Variants in DGKE observed in about 807,000 individuals in gnomAD.
DGKE encodes DAG kinase epsilon.
DGKE carries 53 observed loss-of-function variants against 70.0 expected under a neutral mutation model. That is an observed-to-expected ratio of 0.76 (90% confidence interval 0.61 to 0.95). The LOEUF is 0.95. DGKE is among the 40% of genes least tolerant of loss of function. The pLI is 0.00. For missense variants in DGKE, 655 were observed against 706.9 expected (o/e 0.93, Z 0.83); for synonymous variants, 291 against 257.0 (o/e 1.13, Z -1.27).
intron 7 of DGKE, among the ~76,000 whole-genome samples, chr17:56,850,181 G>A (rs141568729): frequency 3.3e-5 from 5 of 151,652 alleles, no homozygotes; most frequent in African/African-American, 1.2e-4. Context: ...GCTGGAGTAC[G>A]GTATTGTGAT....
At chr17:56,858,525 G>A in intron 8 of DGKE, 69 bp from the exon 9 acceptor site, 2 of 1,274,408 alleles carry the variant, frequency 1.6e-6, no homozygotes, top group Non-Finnish European at 2.2e-6. Flanking sequence ...CTTTGATACA[G>A]CGTATTTTTT....
chr17:56,862,093 AT>A (rs1908328301), intron 10 of DGKE, 46 bp from the exon 11 acceptor site: 3 of 1,598,860 alleles, frequency 1.9e-6, no homozygotes, highest in Non-Finnish European at 2.6e-6. Context: ...AGCATAACTG[AT>A]TTTTTATTGC....
intron 2 of DGKE, among the ~76,000 whole-genome samples, chr17:56,837,179 G>A (rs1422718659): frequency 6.6e-6 from 1 of 151,934 alleles, no homozygotes; most frequent in African/African-American, 2.4e-5. Context: ...AAGTTTCTCT[G>A]AAATTCAAAT....
Position 56,868,274 on chromosome 17 carries a change from G to C in DGKE, c.*5483G>C, listed in dbSNP as rs1435777805. The C allele has an allele frequency of 6.6e-6, 1 of 152,298 alleles. No individual in the cohort carries two copies. The highest frequency in any genetic ancestry group is 2.4e-5 in the African/African-American group (1 of 41,466). 9.4% of individuals were successfully genotyped at this position (152,298 alleles called of 1,614,324 possible). On this transcript the variant is annotated 3_prime_UTR_variant, in exon 12 of 12. Coordinates refer to ENST00000284061, the MANE Select transcript of DGKE (RefSeq NM_003647.3). ...TGGCTCATAAAAACGTTTGTTCTCA[G>C]TCCAGTTCAGGGCTCTGCCAGCAGT... is the stretch of plus-strand genomic sequence containing the variant.
At chr17:56,848,930 T>G in intron 6 of DGKE, 77 bp downstream of exon 6, 5 of 1,576,098 alleles carry the variant, frequency 3.2e-6, no homozygotes, top group Non-Finnish European at 4.3e-6. Context: ...CTTGTGTAGA[T>G]GAAATGTGCC....
intron 1 of DGKE, among the ~76,000 whole-genome samples, 172 bp from the exon 2 acceptor site, chr17:56,834,606 C>T (rs1484887843): frequency 6.6e-6 from 1 of 152,098 alleles, no homozygotes; most frequent in East Asian, 1.9e-4. Flanking sequence ...GGCTGGACGT[C>T]GCCTTCTCGG....
intron 2 of DGKE, among the ~76,000 whole-genome samples, chr17:56,841,200 G>A (rs1175215138): frequency 6.7e-5 from 10 of 149,706 alleles, no homozygotes; most frequent in South Asian, 2.1e-4. Context: ...GCAGTGAGCC[G>A]AGATTGCACC....
chr17:56,861,766 ACTAT>A (rs756332853), intron 9 of DGKE, 21 bp from the exon 10 acceptor site: 47 of 1,608,660 alleles, frequency 2.9e-5, no homozygotes, highest in Admixed American at 8.6e-5. Context: ...TCCTGTAGTC[ACTAT>A]CTATTTGTAT....
intron 7 of DGKE, among the ~76,000 whole-genome samples, chr17:56,852,772 A>G (rs969224765): frequency 2.0e-5 from 3 of 152,230 alleles, no homozygotes; most frequent in Admixed American, 2.0e-4. Context: ...GTGAGGTGAT[A>G]TAGCTCATTG....
chr17:56,862,469 C>G lies in DGKE; in HGVS notation c.1525-143C>G, dbSNP rs1173759012. The G allele has an allele frequency of 3.2e-6, 3 of 925,632 alleles. No homozygotes were observed. The Admixed American group carries it at 9.3e-5, about 29-fold the overall frequency. 57.3% of individuals were successfully genotyped at this position (925,632 alleles called of 1,614,324 possible). A position where few individuals can be genotyped will look rare whatever the true frequency, so the allele number is the denominator to read the frequency against. ...TCACTTGAAAAAAGAATTCCTTAAT[C>G]AATGAATAAAAACATATTCAGATTA... is the stretch of plus-strand genomic sequence containing the variant. On this transcript the variant is annotated intron_variant, in intron 11 of 11. Transcript: ENST00000284061.
chr17:56,849,711 G>A (rs752124749), intron 7 of DGKE, among the ~76,000 whole-genome samples: 18 of 152,148 alleles, frequency 1.2e-4, no homozygotes, highest in Middle Eastern at 3.2e-3. Flanking sequence ...ATAAAGGGGA[G>A]AGAGAAAATA....
At chr17:56,851,378 G>T (rs570072796) in intron 7 of DGKE, among the ~76,000 whole-genome samples, 15 of 152,218 alleles carry the variant, frequency 9.9e-5, no homozygotes, top group Non-Finnish European at 4.4e-5. Context: ...CAGATTTAGT[G>T]CAAAGTGAGA....
In DGKE at chr17:56,835,024, T is replaced by C. The variant is rs1313592332; in HGVS notation, c.229T>C (p.Cys77Arg). 6.2e-7 allele frequency: 1 copy of C among 1,612,700 alleles called. No homozygotes were observed. Among genetic ancestry groups the C allele is most frequent in the Non-Finnish European group, 8.5e-7 (1 of 1,180,032 alleles). Reference protein sequence around the residue: ...LFSQPTYCCVCAQHILQGAFC... With the variant: ...LFSQPTYCCVRAQHILQGAFC... ...CAGCCAGCCCACCTACTGCTGCGTG[T>C]GCGCGCAGCACATTCTGCAGGGCGC... Residue 77 changes from cysteine (C) to arginine (R), a missense_variant, in exon 2 of 12, where the codon TGC becomes CGC. Cys to Arg is a radical substitution (Grantham distance 180, BLOSUM62 -3). Transcript: ENST00000284061.
intron 8 of DGKE, among the ~76,000 whole-genome samples, chr17:56,857,444 G>A (rs1908016061): frequency 6.6e-6 from 1 of 152,188 alleles, no homozygotes; most frequent in African/African-American, 2.4e-5. Context: ...TTTTAATAAC[G>A]TTCGGTGATT....
intron 2 of DGKE, among the ~76,000 whole-genome samples, chr17:56,837,422 A>G (rs1439020644): frequency 6.6e-6 from 1 of 152,174 alleles, no homozygotes; most frequent in East Asian, 1.9e-4. Context: ...TGTGATAATA[A>G]ATCTTCTTTT....
chr17:56,847,979 C>G lies in DGKE; in HGVS notation c.802C>G (p.Pro268Ala). Residue 268 changes from proline to alanine, a missense_variant, in exon 5 of 12, where the codon CCA (proline) becomes GCA (alanine). Physicochemically the swap from Pro to Ala is conservative, Grantham distance 27 (BLOSUM62 -1). Coordinates refer to ENST00000284061, the MANE Select transcript of DGKE (RefSeq NM_003647.3). Reference sequence around the variant, plus strand: ...AGCCCTACAACTCTGTACTCTTCTCCCATATTATTCAGCTCGAGTACTTGT... The same window carrying G: ...AGCCCTACAACTCTGTACTCTTCTCGCATATTATTCAGCTCGAGTACTTGT... ...IKALQLCTLL[P>A]YYSARVLVCG... 1 of 1,608,858 alleles carries G rather than the reference C, an allele frequency of 6.2e-7. No individual in the cohort carries two copies. Among genetic ancestry groups the G allele is most frequent in the Non-Finnish European group, 8.5e-7 (1 of 1,177,236 alleles).
At position 56,834,883 on chromosome 17, in the gene DGKE, G is replaced by A. The variant is rs759913694; in HGVS notation, c.88G>A (p.Val30Ile). 9 of 1,613,502 alleles carry A rather than the reference G, an allele frequency of 5.6e-6. No homozygotes were observed. Among genetic ancestry groups the A allele is most frequent in the Non-Finnish European group, 8.5e-7 (1 of 1,179,942 alleles). The change falls in exon 2 of 12, where the codon GTC (valine) becomes ATC (isoleucine). Residue 30 changes from valine to isoleucine, a missense_variant. Val to Ile is a conservative substitution (Grantham distance 29). Coordinates refer to ENST00000284061, the MANE Select transcript of DGKE (RefSeq NM_003647.3). ...GHLILWTLCS[V>I]LLPVFITFWC... The stretch of plus-strand genomic sequence containing the variant: ...CCTGATCTTGTGGACGCTGTGCTCG[G>A]TCCTGCTGCCGGTGTTCATCACCTT...
chr17:56,837,176 T>G lies in DGKE; in HGVS notation c.464+1917T>G, dbSNP rs557172774. Among the ~76,000 whole-genome samples, 4 of 152,282 alleles carry G rather than the reference T, an allele frequency of 2.6e-5. No individual in the cohort carries two copies. In the South Asian group the frequency reaches 8.3e-4, roughly 32 times the overall value. ...CAGAATTTGGAACATAAAAAGTTTC[T>G]CTGAAATTCAAATTCAACTAGGCAT... On this transcript the variant is annotated intron_variant, in intron 2 of 11. Transcript: ENST00000284061.
chr17:56,850,139 T>C (rs1907560793), intron 7 of DGKE, among the ~76,000 whole-genome samples: 1 of 151,782 alleles, frequency 6.6e-6, no homozygotes, highest in Non-Finnish European at 1.5e-5. Flanking sequence ...TTTTCTTTTG[T>C]TGTGGAGACA....
Sources: gnomAD v4.1 joint callset for allele counts (sites outside exome capture counted in the v4.1 genomes callset) on GRCh38, gnomAD v4.1.1 for gene constraint, MANE v1.5 for transcripts, NCBI Gene and HGNC (gene_info 2026-07-23, HGNC 2026-07-21) for gene names.